NEBL: variants seen among roughly 807,000 people sequenced by gnomAD.
The protein encoded by NEBL is nebulette.
In NEBL, 122 loss-of-function variants were observed where a neutral mutation model predicts 140.2. The ratio of observed to expected loss-of-function variants is 0.87; its 90% CI spans 0.75 to 1.01. NEBL has a LOEUF of 1.01. NEBL is among the 50% of genes least tolerant of loss of function. The pLI is 0.00. For missense variants in NEBL, 1,365 were observed against 1,231.3 expected, an observed-to-expected ratio of 1.11 and a Z score of -1.62; for synonymous variants, 436 against 398.9, an observed-to-expected ratio of 1.09 and a Z score of -1.11.
chr10:21,243,515 C>T (rs1325577725), intron 3 of NEBL, among the ~76,000 whole-genome samples: 1 of 151,896 alleles, frequency 6.6e-6, no homozygotes, highest in East Asian at 1.9e-4. Flanking sequence ...CCATGTTGGC[C>T]AGGGTGGTCT....
At chr10:21,043,878 C>A (rs1394027207) in intron 2 of NEBL, among the ~76,000 whole-genome samples, 1 of 152,030 alleles carries the variant, frequency 6.6e-6, no homozygotes, top group Non-Finnish European at 1.5e-5. Context: ...TAAAAAGTTG[C>A]CAATTCAGGA....
intron 7 of NEBL, chr10:20,868,310 CTGTG>C (rs3085048): frequency 0.016 from 2,422 of 154,474 alleles, 2 homozygotes; most frequent in Middle Eastern, 0.049. Flanking sequence ...AAGTTAAAAA[CTGTG>C]TGTGTGTGTG....
At chr10:21,291,780 TG>T (rs1187999201) in intron 1 of NEBL, among the ~76,000 whole-genome samples, 1 of 151,632 alleles carries the variant, frequency 6.6e-6, no homozygotes, top group Non-Finnish European at 1.5e-5. Context: ...CCAGGCGTGG[TG>T]GTGGACGCCT....
At chr10:20,849,055 CA>C (rs1842237452) in intron 11 of NEBL, among the ~76,000 whole-genome samples, 1 of 152,082 alleles carries the variant, frequency 6.6e-6, no homozygotes, top group Non-Finnish European at 1.5e-5. Flanking sequence ...ATTCATTGAG[CA>C]TGCCTAGCAT....
At chr10:21,120,642 A>G (rs1486169711) in intron 2 of NEBL, among the ~76,000 whole-genome samples, 3 of 126,808 alleles carry the variant, frequency 2.4e-5, no homozygotes, top group East Asian at 2.7e-4. Context: ...TTCTATATTT[A>G]TTGGGGATTG....
rs190143331 is a variant in NEBL at position 20,945,577 on chromosome 10, T to C, written c.357+16095A>G. On this transcript the variant is annotated intron_variant, in intron 4 of 6. Coordinates refer to the NEBL transcript ENST00000417816. ...TTATATCCCAGCACATAAAGGAACA[T>C]CTGAGTGAGATTCTCCTTAGGGATG... Among the ~76,000 whole-genome samples, 132 of 152,256 alleles carry C rather than the reference T, an allele frequency of 8.7e-4. 1 individual carries two copies. Among genetic ancestry groups the C allele is most frequent in the African/African-American group, 3.0e-3 (126 of 41,538 alleles).
intron 2 of NEBL, among the ~76,000 whole-genome samples, chr10:21,162,823 C>G (rs981623302): frequency 1.3e-5 from 2 of 152,216 alleles, no homozygotes; most frequent in Admixed American, 6.5e-5. Flanking sequence ...CAAAGGTAGG[C>G]ATAGCCTTAC....
chr10:20,987,432 CTCATT>C (rs1293566583), intron 3 of NEBL, among the ~76,000 whole-genome samples: 1 of 152,102 alleles, frequency 6.6e-6, no homozygotes, highest in Non-Finnish European at 1.5e-5. Context: ...TCTAATCTTT[CTCATT>C]TCTTCACCTT....
intron 1 of NEBL, among the ~76,000 whole-genome samples, chr10:21,284,016 T>C (rs1193408171): frequency 1.0e-5 from 1 of 96,722 alleles, no homozygotes; most frequent in Non-Finnish European, 1.9e-5. Flanking sequence ...TGGTTCAACA[T>C]AGCAAAACCT....
chr10:21,135,354 G>A (rs538337451), intron 2 of NEBL, among the ~76,000 whole-genome samples: 5 of 152,106 alleles, frequency 3.3e-5, no homozygotes, highest in Admixed American at 6.5e-5. Context: ...TTCCCCATCC[G>A]TATCCTCCAA....
chr10:21,036,234 G>T (rs1241394325), intron 2 of NEBL, among the ~76,000 whole-genome samples: 1 of 152,134 alleles, frequency 6.6e-6, no homozygotes, highest in African/African-American at 2.4e-5. Context: ...GCCGAGGCAG[G>T]AGGATTGCTT....
At chr10:21,048,240 C>T (rs1175449462) in intron 2 of NEBL, among the ~76,000 whole-genome samples, 2 of 152,156 alleles carry the variant, frequency 1.3e-5, no homozygotes, top group African/African-American at 4.8e-5. Context: ...GACAGCCCCA[C>T]ATTATAGTTC....
intron 4 of NEBL, among the ~76,000 whole-genome samples, chr10:20,921,326 A>G (rs1341704502): frequency 2.6e-5 from 4 of 152,144 alleles, no homozygotes; most frequent in African/African-American, 7.2e-5. Context: ...GCCCTGTTCC[A>G]TGTCCCAGGA....
rs1035901570 is a variant in NEBL, at chr10:21,233,475, A to G, written n.348+14446T>C. ...TCTTCCATACTAACACACATCCAGC[A>G]GAGATATAGATAAATGTATGCATAC... On this transcript the variant is annotated intron_variant and non_coding_transcript_variant, in intron 3 of 8. Transcript: ENST00000675702. Among the ~76,000 whole-genome samples the G allele has an allele frequency of 4.0e-5, 6 of 151,862 alleles. No individual in the cohort carries two copies. The South Asian group carries it at 6.2e-4, about 16-fold the overall frequency.
chr10:21,206,473 C>G (rs538361135), intron 3 of NEBL, among the ~76,000 whole-genome samples: 2 of 152,134 alleles, frequency 1.3e-5, no homozygotes, highest in Admixed American at 6.6e-5. Context: ...ATGAATTTAG[C>G]CCCCAGGGGC....
Position 21,173,847 on chromosome 10 carries a change from G to A in NEBL, c.-14C>T, listed in dbSNP as rs1283345106. On this transcript the variant is annotated 5_prime_UTR_variant, in exon 1 of 7. Coordinates refer to the NEBL transcript ENST00000417816. The surrounding 1 kb of genome is among the most constrained non-coding windows in gnomAD (Gnocchi z 5.7). The stretch of plus-strand genomic sequence containing the variant: ...CTGGGGGTTCATGATCGCGGTTCCC[G>A]GGGGCGGCGGCGGCGGCGGCTGCTG... 4 of 1,608,984 alleles carry A rather than the reference G, an allele frequency of 2.5e-6. No individual in the cohort carries two copies. Among genetic ancestry groups the A allele is most frequent in the Non-Finnish European group, 3.4e-6 (4 of 1,179,072 alleles).
intron 21 of NEBL, among the ~76,000 whole-genome samples, 177 bp downstream of exon 21, chr10:20,817,423 G>A (rs1289544974): frequency 6.6e-6 from 1 of 152,108 alleles, no homozygotes; most frequent in Admixed American, 6.6e-5. Flanking sequence ...CTGAGGTGGG[G>A]AACACCTGAC....
chr10:20,809,902 T>A lies in NEBL; in HGVS notation c.2519-4A>T. On this transcript the variant is annotated splice_region_variant and splice_polypyrimidine_tract_variant and intron_variant, in intron 24 of 27. Transcript: ENST00000377122. ...TCTGTGCGCCAAACTTTGAGGTCTT[T>A]TGCCAAAAGGAAGAAATCAACACTC... 6.2e-7 allele frequency: 1 copy of A among 1,603,490 alleles called. No homozygotes were observed. Among genetic ancestry groups the A allele is most frequent in the Non-Finnish European group, 8.5e-7 (1 of 1,173,110 alleles).
chr10:21,074,580 C>T (rs1472435321), intron 2 of NEBL, among the ~76,000 whole-genome samples: 2 of 148,874 alleles, frequency 1.3e-5, no homozygotes, highest in East Asian at 2.0e-4. Context: ...TGGGTTCAAG[C>T]GATTCTCCTG....
Sources: gnomAD v4.1 joint callset for allele counts (sites outside exome capture counted in the v4.1 genomes callset) on GRCh38, gnomAD v4.1.1 for gene constraint, Gnocchi (gnomAD v3.1) non-coding constraint, MANE v1.5 for transcripts, NCBI Gene and HGNC (gene_info 2026-07-23, HGNC 2026-07-21) for gene names.